PTPN13: variants seen among roughly 807,000 people sequenced by gnomAD.
The protein encoded by PTPN13 is protein tyrosine phosphatase non-receptor type 13.
In PTPN13, 191 loss-of-function variants were observed where a neutral mutation model predicts 284.0. That is an observed-to-expected ratio of 0.67 (90% CI 0.60 to 0.76). The LOEUF (loss-of-function observed/expected upper bound fraction) is 0.76, where lower values mean the gene tolerates loss of function less well. Among genes scored for constraint, PTPN13 ranks in the 30% least tolerant of loss-of-function variants. The probability of loss-of-function intolerance (pLI) is 0.00; values close to 1 mark genes in which losing one functional copy is unlikely to be tolerated. For missense variants in PTPN13, 2,797 were observed against 2,939.9 expected (o/e 0.95, Z 1.12); for synonymous variants, 986 against 1,022.3 (o/e 0.96, Z 0.68).
chr4:86,623,165 CG>C (rs1248906361), intron 1 of PTPN13, among the ~76,000 whole-genome samples: 2 of 152,088 alleles, frequency 1.3e-5, no homozygotes, highest in Non-Finnish European at 2.9e-5. Flanking sequence ...GAAAACCTCC[CG>C]GGGGTCTGCT....
intron 1 of PTPN13, among the ~76,000 whole-genome samples, chr4:86,613,805 G>A (rs1448330644): frequency 6.6e-6 from 1 of 152,054 alleles, no homozygotes; most frequent in Admixed American, 6.5e-5. Flanking sequence ...TTGTTAGGAA[G>A]GAAAATCTTT....
chr4:86,764,790 A>G (rs1012596194), intron 25 of PTPN13, 66 bp downstream of exon 25: 54 of 1,509,838 alleles, frequency 3.6e-5, no homozygotes, highest in Non-Finnish European at 4.1e-5. Context: ...TTGTATGTCA[A>G]CTTTTTAATT....
intron 4 of PTPN13, 82 bp downstream of exon 4, chr4:86,686,857 T>A: frequency 4.3e-6 from 4 of 925,216 alleles, no homozygotes; most frequent in Non-Finnish European, 6.7e-6. Flanking sequence ...CACACGTTTA[T>A]ACGTGTTCTA....
chr4:86,643,457 A>C (rs1724050674), intron 2 of PTPN13, among the ~76,000 whole-genome samples: 1 of 152,174 alleles, frequency 6.6e-6, no homozygotes, highest in African/African-American at 2.4e-5. Context: ...CAAATATCAA[A>C]TTTCACTCCT....
chr4:86,745,661 AGCTACTTGGGAG>A (rs1736662987), intron 17 of PTPN13, among the ~76,000 whole-genome samples: 1 of 152,122 alleles, frequency 6.6e-6, no homozygotes, highest in Non-Finnish European at 1.5e-5. Flanking sequence ...CTGTAATCCC[AGCTACTTGGGAG>A]GCTGAGGCAG....
intron 15 of PTPN13, among the ~76,000 whole-genome samples, chr4:86,737,492 C>T (rs1431587226): frequency 6.6e-6 from 1 of 151,986 alleles, no homozygotes; most frequent in Non-Finnish European, 1.5e-5. Flanking sequence ...ATATGACCCA[C>T]AAAGCCTGAA....
intron 40 of PTPN13, among the ~76,000 whole-genome samples, chr4:86,791,715 C>A (rs900646331): frequency 6.6e-6 from 1 of 152,178 alleles, no homozygotes; most frequent in Non-Finnish European, 1.5e-5. Flanking sequence ...CCCAGGCAAA[C>A]AGGGTCTGGA....
At chr4:86,770,760 T>C (rs1404276497) in intron 30 of PTPN13, among the ~76,000 whole-genome samples, 1 of 152,116 alleles carries the variant, frequency 6.6e-6, no homozygotes, top group African/African-American at 2.4e-5. Context: ...AAAATTTACA[T>C]ACAAAGAAGT....
At chr4:86,757,838 A>G (rs1470958410) in intron 20 of PTPN13, among the ~76,000 whole-genome samples, 1 of 152,016 alleles carries the variant, frequency 6.6e-6, no homozygotes, top group African/African-American at 2.4e-5. Context: ...CCAGTTATAA[A>G]TTAAAATGCC....
chr4:86,594,999 A>G (rs1210997402), intron 1 of PTPN13, among the ~76,000 whole-genome samples: 1 of 152,140 alleles, frequency 6.6e-6, no homozygotes, highest in Admixed American at 6.5e-5. Flanking sequence ...GGAGTGGGGA[A>G]GAATGAGATG....
intron 35 of PTPN13, among the ~76,000 whole-genome samples, chr4:86,779,826 G>T (rs1217777447): frequency 6.6e-6 from 1 of 151,962 alleles, no homozygotes; most frequent in African/African-American, 2.4e-5. Flanking sequence ...TGTACTTTGG[G>T]TGGTACCATT....
intron 40 of PTPN13, 25 bp downstream of exon 40, chr4:86,785,961 A>AGG (rs1741855411): frequency 1.5e-6 from 2 of 1,290,926 alleles, no homozygotes; most frequent in African/African-American, 3.0e-5. Context: ...TAAACAACCT[A>AGG]GGATATGACA....
At chr4:86,644,289 G>A (rs776737223) in intron 2 of PTPN13, among the ~76,000 whole-genome samples, 5 of 151,960 alleles carry the variant, frequency 3.3e-5, no homozygotes, top group Admixed American at 1.3e-4. Context: ...GTGCTACCAC[G>A]CTCGGCCAAA....
intron 3 of PTPN13, among the ~76,000 whole-genome samples, chr4:86,676,311 A>G (rs1398008568): frequency 6.6e-6 from 1 of 152,218 alleles, no homozygotes; most frequent in Non-Finnish European, 1.5e-5. Flanking sequence ...TTGTAGGGAT[A>G]CTATCTCACA....
chr4:86,730,252 G>C (rs1274129110), intron 10 of PTPN13, among the ~76,000 whole-genome samples: 2 of 149,660 alleles, frequency 1.3e-5, no homozygotes, highest in African/African-American at 4.9e-5. Context: ...GCCTCTACTG[G>C]GAGGTGTCTC....
chr4:86,805,141 A>G (rs1744514221), intron 43 of PTPN13, 138 bp from the exon 44 acceptor site: 2 of 502,552 alleles, frequency 4.0e-6, no homozygotes, highest in Non-Finnish European at 7.1e-6. Flanking sequence ...CTGACTTTAG[A>G]CTTATTTAGG....
chr4:86,657,988 C>G (rs1275937419), intron 2 of PTPN13, among the ~76,000 whole-genome samples: 1 of 152,172 alleles, frequency 6.6e-6, no homozygotes, highest in Non-Finnish European at 1.5e-5. Context: ...AGTCCACTGC[C>G]TCTGAGACTA....
chr4:86,687,515 G>T (rs1404949441), intron 4 of PTPN13, among the ~76,000 whole-genome samples: 1 of 152,090 alleles, frequency 6.6e-6, no homozygotes, highest in African/African-American at 2.4e-5. Flanking sequence ...ATAACTAGGT[G>T]TGGTTTTTTC....
chr4:86,658,284 A>G (rs1726087011), intron 2 of PTPN13, among the ~76,000 whole-genome samples: 1 of 152,176 alleles, frequency 6.6e-6, no homozygotes, highest in Non-Finnish European at 1.5e-5. Flanking sequence ...TCCTCCATGC[A>G]CATAGACTCT....
Sources: gnomAD v4.1 joint callset for allele counts (sites outside exome capture counted in the v4.1 genomes callset) on GRCh38, gnomAD v4.1.1 for gene constraint, MANE v1.5 for transcripts, NCBI Gene and HGNC (gene_info 2026-07-23, HGNC 2026-07-21) for gene names.